The following FNDC3B variants were observed in gnomAD, a reference collection of about 807,000 sequenced individuals.
FNDC3B encodes the protein fibronectin type III domain-containing protein 3B.
In FNDC3B, 12 loss-of-function variants were observed where a neutral mutation model predicts 151.5. That is an observed-to-expected ratio of 0.08 (90% CI 0.05 to 0.13). The LOEUF is 0.13. FNDC3B is among the 10% of genes least tolerant of loss of function. FNDC3B has a pLI of 1.00. For synonymous variants in FNDC3B, 528 were observed against 549.0 expected, an observed-to-expected ratio of 0.96 and a Z score of 0.54; for missense variants, 1,214 against 1,505.3, an observed-to-expected ratio of 0.81 and a Z score of 3.20.
chr3:172,047,493 C>T (rs1716421733), intron 1 of FNDC3B, among the ~76,000 whole-genome samples: 1 of 152,154 alleles, frequency 6.6e-6, no homozygotes, highest in African/African-American at 2.4e-5. Context: ...GAACAAACCA[C>T]TTTTAAGCAC....
chr3:172,283,223 G>T (rs573624872), intron 6 of FNDC3B, among the ~76,000 whole-genome samples: 23 of 152,006 alleles, frequency 1.5e-4, no homozygotes, highest in East Asian at 9.7e-4. Flanking sequence ...CATTTTTTTT[G>T]ACTTTGGACA....
intron 4 of FNDC3B, among the ~76,000 whole-genome samples, chr3:172,236,947 GT>G (rs1225406803): frequency 1.3e-5 from 2 of 152,220 alleles, no homozygotes; most frequent in Non-Finnish European, 2.9e-5. Context: ...AGAGCTAGGT[GT>G]TCTGGTAAAG....
intron 4 of FNDC3B, among the ~76,000 whole-genome samples, chr3:172,233,562 G>A (rs1726989404): frequency 6.6e-6 from 1 of 152,174 alleles, no homozygotes; most frequent in African/African-American, 2.4e-5. Flanking sequence ...CCTGTTAGGT[G>A]GAAGCTGTGC....
intron 3 of FNDC3B, among the ~76,000 whole-genome samples, chr3:172,201,294 C>T (rs1725139682): frequency 6.6e-6 from 1 of 152,186 alleles, no homozygotes. Flanking sequence ...AGTTTTTCCA[C>T]CCTGCTTCTG....
At chr3:172,215,150 C>T (rs1725912751) in intron 3 of FNDC3B, among the ~76,000 whole-genome samples, 1 of 152,224 alleles carries the variant, frequency 6.6e-6, no homozygotes, top group African/African-American at 2.4e-5. Flanking sequence ...CCTGCCAGAG[C>T]ATGACCTAGG....
chr3:172,290,099 T>C (rs1337276241), intron 7 of FNDC3B, among the ~76,000 whole-genome samples: 1 of 152,188 alleles, frequency 6.6e-6, no homozygotes, highest in African/African-American at 2.4e-5. Context: ...AGCACAGTTG[T>C]AAAAAGGATT....
At chr3:172,359,226 T>A (rs1734255174) in intron 22 of FNDC3B, among the ~76,000 whole-genome samples, 2 of 152,336 alleles carry the variant, frequency 1.3e-5, no homozygotes, top group Admixed American at 6.5e-5. Context: ...TCTTCTAAAC[T>A]ATTTTTAAAT....
At chr3:172,313,322 A>G (rs1227552593) in intron 11 of FNDC3B, among the ~76,000 whole-genome samples, 6 of 152,206 alleles carry the variant, frequency 3.9e-5, no homozygotes, top group Non-Finnish European at 5.9e-5. Context: ...AGATTAGGAA[A>G]TATGGGTTCT....
At chr3:172,297,685 A>G (rs532442105) in intron 8 of FNDC3B, among the ~76,000 whole-genome samples, 105 of 152,160 alleles carry the variant, frequency 6.9e-4, no homozygotes, top group African/African-American at 1.0e-3. Flanking sequence ...CGTGTTAGCC[A>G]GGATGGTCTC....
At chr3:172,071,973 G>A (rs1277058510) in intron 1 of FNDC3B, among the ~76,000 whole-genome samples, 1 of 151,768 alleles carries the variant, frequency 6.6e-6, no homozygotes, top group Non-Finnish European at 1.5e-5. Context: ...AATTGTAACA[G>A]TTGAGTTCAT....
At chr3:172,250,197 TA>T (rs1727998083) in intron 5 of FNDC3B, among the ~76,000 whole-genome samples, 1 of 152,244 alleles carries the variant, frequency 6.6e-6, no homozygotes, top group Non-Finnish European at 1.5e-5. Flanking sequence ...TGCAGGCTTC[TA>T]TTTTCTTTTG....
intron 2 of FNDC3B, among the ~76,000 whole-genome samples, chr3:172,130,058 G>A (rs2108568364): frequency 6.6e-6 from 1 of 152,208 alleles, no homozygotes; most frequent in Admixed American, 6.5e-5. Context: ...TTAAGTGCCG[G>A]GAGTTGGCCA....
intron 8 of FNDC3B, 83 bp from the exon 9 acceptor site, chr3:172,298,644 AG>A: frequency 1.4e-6 from 1 of 714,534 alleles, no homozygotes; most frequent in Non-Finnish European, 2.4e-6. Flanking sequence ...AATTATTGTC[AG>A]TACATTACTG....
intron 2 of FNDC3B, among the ~76,000 whole-genome samples, chr3:172,132,077 G>T (rs1300746794): frequency 6.6e-6 from 1 of 152,158 alleles, no homozygotes; most frequent in Non-Finnish European, 1.5e-5. Flanking sequence ...AGTAGAGCGG[G>T]TATTTTTGTT....
At chr3:172,232,175 C>T (rs1489224549) in intron 4 of FNDC3B, among the ~76,000 whole-genome samples, 1 of 152,078 alleles carries the variant, frequency 6.6e-6, no homozygotes, top group African/African-American at 2.4e-5. Context: ...GCCACCACAC[C>T]CTGCCAGTAT....
chr3:172,387,654 A>T (rs1560111606), intron 25 of FNDC3B, among the ~76,000 whole-genome samples: 1 of 152,202 alleles, frequency 6.6e-6, no homozygotes, highest in Admixed American at 6.5e-5. Context: ...AAAAATTCCC[A>T]TACATGTACC....
intron 19 of FNDC3B, 39 bp from the exon 20 acceptor site, chr3:172,346,288 C>A: frequency 2.5e-6 from 3 of 1,187,938 alleles, no homozygotes; most frequent in Non-Finnish European, 3.7e-6. Context: ...CACATACACG[C>A]ATATATACAT....
At chr3:172,271,236 T>G (rs1729185320) in intron 6 of FNDC3B, among the ~76,000 whole-genome samples, 1 of 152,226 alleles carries the variant, frequency 6.6e-6, no homozygotes. Context: ...TTACATTTCA[T>G]GTAATTCATA....
At chr3:172,385,072 CTTT>C (rs765315369) in intron 25 of FNDC3B, among the ~76,000 whole-genome samples, 1 of 145,516 alleles carries the variant, frequency 6.9e-6, no homozygotes, top group Non-Finnish European at 1.5e-5. Context: ...GTACTGGTTT[CTTT>C]TTTTTTTTTC....
Sources: allele counts gnomAD v4.1 joint callset (sites outside exome capture counted in the v4.1 genomes callset), GRCh38; gene constraint gnomAD v4.1.1; transcripts MANE v1.5; gene names NCBI Gene and HGNC (gene_info 2026-07-23, HGNC 2026-07-21).